Variants in SCHIP1 observed in about 807,000 individuals in gnomAD.
SCHIP1 encodes the protein schwannomin-interacting protein 1.
In SCHIP1, 8 loss-of-function variants were observed where a neutral mutation model predicts 29.7. That is an observed-to-expected ratio of 0.27 (90% CI 0.16 to 0.49). The LOEUF is 0.49. Among genes scored for constraint, SCHIP1 ranks in the 20% least tolerant of loss-of-function variants. The pLI, the probability that SCHIP1 is intolerant of heterozygous loss-of-function variation, is 0.99. For missense variants in SCHIP1, 193 were observed against 294.6 expected, an observed-to-expected ratio of 0.66 and a Z score of 2.52; for synonymous variants, 76 against 94.9, an observed-to-expected ratio of 0.80 and a Z score of 1.16.
the SCHIP1 span, among the ~76,000 whole-genome samples, chr3:159,451,821 A>G: frequency 6.6e-6 from 1 of 152,150 alleles, no homozygotes; most frequent in Non-Finnish European, 1.5e-5. Flanking sequence ...GTGCTGTGAG[A>G]GCTGAGGAGA....
chr3:159,713,241 A>AAAGAAAGG, the SCHIP1 span, among the ~76,000 whole-genome samples: 1 of 88,032 alleles, frequency 1.1e-5, no homozygotes, highest in East Asian at 2.9e-4. Context: ...AGGAAGAAAG[A>AAAGAAAGG]AAGAAAGAAA....
the SCHIP1 span, among the ~76,000 whole-genome samples, chr3:159,745,479 C>G: frequency 6.6e-6 from 1 of 152,140 alleles, no homozygotes; most frequent in African/African-American, 2.4e-5. Flanking sequence ...GTAATAATCA[C>G]CAAATGGAGG....
chr3:159,763,346 T>C, the SCHIP1 span, among the ~76,000 whole-genome samples: 2 of 151,752 alleles, frequency 1.3e-5, no homozygotes, highest in Non-Finnish European at 2.9e-5. Context: ...CCGCGTGGAA[T>C]AGGAGGCGCC....
chr3:159,274,221 C>A, the SCHIP1 span: 2 of 985,202 alleles, frequency 2.0e-6, no homozygotes, highest in Non-Finnish European at 2.4e-6. Context: ...AATGTACAAT[C>A]TGTTGCCCTT....
the SCHIP1 span, among the ~76,000 whole-genome samples, chr3:159,540,098 C>A: frequency 6.6e-6 from 1 of 152,016 alleles, no homozygotes; most frequent in Non-Finnish European, 1.5e-5. Context: ...CCCTTCGTCT[C>A]TTCTGCCTTC....
At chr3:159,850,203 T>G (rs1712398990) in intron 1 of SCHIP1, among the ~76,000 whole-genome samples, 1 of 152,196 alleles carries the variant, frequency 6.6e-6, no homozygotes, top group South Asian at 2.1e-4. Context: ...AAAATGTTGA[T>G]TCAGCTCTTG....
At chr3:159,712,886 G>T in the SCHIP1 span, among the ~76,000 whole-genome samples, 75 of 151,262 alleles carry the variant, frequency 5.0e-4, no homozygotes, top group African/African-American at 1.7e-3. Context: ...GGCAGGCCAG[G>T]CACGGTGGCT....
chr3:159,419,971 G>C, the SCHIP1 span, among the ~76,000 whole-genome samples: 1 of 152,138 alleles, frequency 6.6e-6, no homozygotes, highest in East Asian at 1.9e-4. Context: ...TTTGAGGAAG[G>C]TCTAAAATTT....
the SCHIP1 span, among the ~76,000 whole-genome samples, chr3:159,352,961 T>A: frequency 8.8e-3 from 1,333 of 152,218 alleles, 17 homozygotes; most frequent in African/African-American, 0.031. Flanking sequence ...AGGTGGTAGA[T>A]GATGCGTTTG....
At chr3:159,606,832 C>T in the SCHIP1 span, among the ~76,000 whole-genome samples, 1 of 152,192 alleles carries the variant, frequency 6.6e-6, no homozygotes, top group Non-Finnish European at 1.5e-5. Flanking sequence ...GCTAGACCTT[C>T]CATTGGCTGA....
the SCHIP1 span, among the ~76,000 whole-genome samples, chr3:159,669,498 C>T: frequency 7.9e-3 from 1,204 of 152,314 alleles, 21 homozygotes; most frequent in African/African-American, 0.028. Context: ...TGTGTGAAAA[C>T]TTAAAATTAG....
chr3:159,882,947 G>T (rs909403116), intron 2 of SCHIP1, among the ~76,000 whole-genome samples: 2 of 152,228 alleles, frequency 1.3e-5, no homozygotes, highest in African/African-American at 4.8e-5. Context: ...ATGTCCAGAA[G>T]ACATACTTAG....
chr3:159,385,872 T>A, the SCHIP1 span, among the ~76,000 whole-genome samples: 1 of 150,724 alleles, frequency 6.6e-6, no homozygotes, highest in East Asian at 2.0e-4. Flanking sequence ...CAGGCCCCGG[T>A]GTGTGATGTT....
chr3:159,359,868 G>C, the SCHIP1 span, among the ~76,000 whole-genome samples: 2 of 152,348 alleles, frequency 1.3e-5, no homozygotes, highest in East Asian at 1.9e-4. Context: ...CAAGTCTTAT[G>C]AAGAGAAAGC....
At chr3:159,692,395 C>T in the SCHIP1 span, among the ~76,000 whole-genome samples, 81 of 152,220 alleles carry the variant, frequency 5.3e-4, no homozygotes, top group African/African-American at 1.9e-3. Flanking sequence ...CAAATAGTCC[C>T]ATATTTCTTG....
chr3:159,626,802 C>T, the SCHIP1 span, among the ~76,000 whole-genome samples: 42 of 152,258 alleles, frequency 2.8e-4, no homozygotes, highest in African/African-American at 9.6e-4. Flanking sequence ...TCCTGTCCTC[C>T]CTTTTGTACA....
chr3:159,701,274 G>T, the SCHIP1 span, among the ~76,000 whole-genome samples: 6 of 151,876 alleles, frequency 4.0e-5, no homozygotes, highest in Non-Finnish European at 7.4e-5. Context: ...CTTTTTTATG[G>T]TTAATAAACT....
At chr3:159,379,217 T>C in the SCHIP1 span, among the ~76,000 whole-genome samples, 7 of 149,296 alleles carry the variant, frequency 4.7e-5, no homozygotes, top group Admixed American at 3.3e-4. Context: ...GGTGGGTTTT[T>C]TTGGTTTTTG....
chr3:159,626,179 T>TATAGATAG, the SCHIP1 span, among the ~76,000 whole-genome samples: 7 of 106,960 alleles, frequency 6.5e-5, no homozygotes, highest in Non-Finnish European at 8.5e-5. Context: ...TATCTATCTA[T>TATAGATAG]CTAGATAGAT....
Sources: allele counts gnomAD v4.1 joint callset (sites outside exome capture counted in the v4.1 genomes callset), GRCh38; gene constraint gnomAD v4.1.1; transcripts MANE v1.5; gene names NCBI Gene and HGNC (gene_info 2026-07-23, HGNC 2026-07-21).